The following FBXL17 variants were observed in gnomAD, a reference collection of about 807,000 sequenced individuals.
The protein encoded by FBXL17 is F-box/LRR-repeat protein 17.
FBXL17 carries 22 observed loss-of-function variants against 66.2 expected under a neutral mutation model. The observed-to-expected ratio is 0.33, with a 90% confidence interval of 0.24 to 0.47. FBXL17 has a LOEUF of 0.47. FBXL17 is among the 20% of genes least tolerant of loss of function. The pLI is 1.00. For missense variants in FBXL17, 878 were observed against 948.2 expected, an observed-to-expected ratio of 0.93 and a Z score of 0.97; for synonymous variants, 474 against 400.5, an observed-to-expected ratio of 1.18 and a Z score of -2.19.
intron 8 of FBXL17, among the ~76,000 whole-genome samples, chr5:107,869,803 C>T (rs1748389269): frequency 6.6e-6 from 1 of 152,170 alleles, no homozygotes; most frequent in South Asian, 2.1e-4. Context: ...CACTTGGATC[C>T]TTTGTTCTCT....
chr5:108,206,147 C>T (rs1431955454), intron 5 of FBXL17, among the ~76,000 whole-genome samples: 1 of 152,106 alleles, frequency 6.6e-6, no homozygotes, highest in African/African-American at 2.4e-5. Context: ...TTCAAGATAA[C>T]TGCAAAATTA....
intron 6 of FBXL17, among the ~76,000 whole-genome samples, chr5:108,083,453 T>C (rs1748852247): frequency 6.6e-6 from 1 of 152,126 alleles, no homozygotes; most frequent in Non-Finnish European, 1.5e-5. Flanking sequence ...CAGGCTGGAG[T>C]GCAGTAGTGT....
intron 7 of FBXL17, among the ~76,000 whole-genome samples, chr5:108,012,902 C>A (rs1396039602): frequency 2.0e-5 from 3 of 151,484 alleles, no homozygotes; most frequent in Non-Finnish European, 2.9e-5. Flanking sequence ...GTAATCCCAG[C>A]TACTAGGGAG....
At chr5:108,162,870 C>T (rs533401367) in intron 6 of FBXL17, among the ~76,000 whole-genome samples, 4 of 152,240 alleles carry the variant, frequency 2.6e-5, no homozygotes, top group African/African-American at 9.6e-5. Flanking sequence ...TATTGATGTG[C>T]AGAGAGGTTT....
chr5:107,904,053 C>T (rs1386732249), intron 7 of FBXL17, among the ~76,000 whole-genome samples: 2 of 152,154 alleles, frequency 1.3e-5, no homozygotes, highest in African/African-American at 4.8e-5. Context: ...ACAAAACAAA[C>T]AGACTTCTAA....
At chr5:108,113,083 C>T (rs190580557) in intron 6 of FBXL17, among the ~76,000 whole-genome samples, 8 of 152,260 alleles carry the variant, frequency 5.3e-5, no homozygotes, top group Admixed American at 5.2e-4. Context: ...CTAGAGTTTG[C>T]TAATAACTCA....
intron 7 of FBXL17, among the ~76,000 whole-genome samples, chr5:107,962,603 A>G (rs1751958882): frequency 6.6e-6 from 1 of 152,100 alleles, no homozygotes; most frequent in African/African-American, 2.4e-5. Flanking sequence ...ATTGCTTATT[A>G]CATTATTAAA....
intron 7 of FBXL17, among the ~76,000 whole-genome samples, chr5:107,910,162 G>C (rs1430960809): frequency 6.6e-6 from 1 of 151,920 alleles, no homozygotes; most frequent in Non-Finnish European, 1.5e-5. Context: ...GCCTGGCCAT[G>C]GGGGATTAGG....
At chr5:108,250,422 A>C (rs1756298050) in intron 4 of FBXL17, among the ~76,000 whole-genome samples, 1 of 152,142 alleles carries the variant, frequency 6.6e-6, no homozygotes, top group African/African-American at 2.4e-5. Flanking sequence ...CAAGGCAATA[A>C]ATAATTATTA....
chr5:108,129,681 G>A (rs992910477), intron 6 of FBXL17, among the ~76,000 whole-genome samples: 2 of 151,798 alleles, frequency 1.3e-5, no homozygotes, highest in Non-Finnish European at 2.9e-5. Flanking sequence ...TAACTCCTGA[G>A]AATATATCAA....
intron 7 of FBXL17, among the ~76,000 whole-genome samples, chr5:107,948,505 A>G (rs1751388839): frequency 6.6e-6 from 1 of 152,184 alleles, no homozygotes; most frequent in Non-Finnish European, 1.5e-5. Context: ...TCTCTTGCTT[A>G]TACTTTTTAA....
chr5:107,962,279 GATAGTT>G (rs1439779416), intron 7 of FBXL17, among the ~76,000 whole-genome samples: 1 of 152,068 alleles, frequency 6.6e-6, no homozygotes, highest in African/African-American at 2.4e-5. Flanking sequence ...CCTATAAAAT[GATAGTT>G]ATAATTTGTA....
Position 108,185,481 on chromosome 5 carries a change from C to A in FBXL17, c.1745+636G>T, listed in dbSNP as rs574683744. Among the ~76,000 whole-genome samples, 91 of 152,304 alleles carry A rather than the reference C, an allele frequency of 6.0e-4. 3 individuals carry two copies. Among genetic ancestry groups the A allele is most frequent in the Non-Finnish European group, 2.9e-5 (2 of 68,022 alleles). ...GTTTCCTGAGGCTTCTCCAGCCATA[C>A]TTCCTGTACAGCCTGCAGAACTGTG... On this transcript the variant is annotated intron_variant, in intron 6 of 8. Coordinates refer to ENST00000542267, the MANE Select transcript of FBXL17 (RefSeq NM_001163315.3).
intron 8 of FBXL17, among the ~76,000 whole-genome samples, chr5:107,862,264 A>G (rs1748145099): frequency 6.6e-6 from 1 of 151,874 alleles, no homozygotes; most frequent in African/African-American, 2.4e-5. Flanking sequence ...AATGCCGGAG[A>G]GGACACACTA....
chr5:108,149,791 C>T (rs1172196165), intron 6 of FBXL17, among the ~76,000 whole-genome samples: 1 of 152,112 alleles, frequency 6.6e-6, no homozygotes, highest in Non-Finnish European at 1.5e-5. Flanking sequence ...TTTCTTACAT[C>T]CCATATGGCT....
chr5:108,066,409 T>C (rs1176696375), intron 6 of FBXL17, among the ~76,000 whole-genome samples: 2 of 152,072 alleles, frequency 1.3e-5, no homozygotes, highest in East Asian at 1.9e-4. Flanking sequence ...CTAATACATG[T>C]ATATAACCTT....
intron 4 of FBXL17, among the ~76,000 whole-genome samples, chr5:108,305,484 G>A (rs1220824172): frequency 1.3e-5 from 2 of 151,608 alleles, no homozygotes; most frequent in African/African-American, 4.8e-5. Flanking sequence ...AAAAGTTGAA[G>A]GGGGAAAAAA....
intron 6 of FBXL17, among the ~76,000 whole-genome samples, chr5:108,040,985 T>C (rs1747023444): frequency 6.6e-6 from 1 of 152,214 alleles, no homozygotes; most frequent in African/African-American, 2.4e-5. Context: ...GTCTGGTTTC[T>C]GTCTTGTAAT....
chr5:108,050,373 C>G (rs10058029), intron 6 of FBXL17, among the ~76,000 whole-genome samples: 86,143 of 151,974 alleles, frequency 0.57, 24,533 homozygotes, highest in Admixed American at 0.63. Context: ...CCTCTCAGAC[C>G]ACAGTGCAAT....
Sources: allele counts gnomAD v4.1 joint callset (sites outside exome capture counted in the v4.1 genomes callset), GRCh38; gene constraint gnomAD v4.1.1; transcripts MANE v1.5; gene names NCBI Gene and HGNC (gene_info 2026-07-23, HGNC 2026-07-21).